CHIC1: variants seen among roughly 807,000 people sequenced by gnomAD.
CHIC1 encodes cysteine rich hydrophobic domain 1, also known as cysteine-rich hydrophobic domain-containing protein 1.
A neutral mutation model predicts 18.5 loss-of-function variants in CHIC1; 7 were observed. That is an observed-to-expected ratio of 0.38 (90% CI 0.22 to 0.71). CHIC1 has a LOEUF of 0.71. Ranked by LOEUF, CHIC1 falls within the 30% of genes least tolerant of loss-of-function variation. The pLI is 0.49. For synonymous variants in CHIC1, 77 were observed against 73.5 expected, an observed-to-expected ratio of 1.05 and a Z score of -0.25; for missense variants, 159 against 176.9, an observed-to-expected ratio of 0.90 and a Z score of 0.57.
At chrX:73,610,300 G>A (rs1360906819) in intron 3 of CHIC1, among the ~76,000 whole-genome samples, 1 of 109,290 alleles carries the variant, frequency 9.1e-6, no homozygotes, top group Non-Finnish European at 1.9e-5. Flanking sequence ...GTCCCTCACT[G>A]CTTCCCTTGG....
chrX:73,577,057 C>CA (rs2057502641), intron 1 of CHIC1, among the ~76,000 whole-genome samples: 1 of 109,966 alleles, frequency 9.1e-6, no homozygotes. Context: ...TAATCCAGCT[C>CA]CAACAGTTAT....
At chrX:73,588,553 G>A (rs1314033283) in intron 3 of CHIC1, among the ~76,000 whole-genome samples, 1 of 110,928 alleles carries the variant, frequency 9.0e-6, no homozygotes, top group Non-Finnish European at 1.9e-5. Flanking sequence ...TATCCATTAA[G>A]CAGTCATTTC....
intron 5 of CHIC1, among the ~76,000 whole-genome samples, chrX:73,680,668 G>A (rs764212398): frequency 8.9e-4 from 99 of 110,822 alleles, no homozygotes; most frequent in Non-Finnish European, 1.7e-3. Flanking sequence ...ATAATTTAAT[G>A]GAGTTTGCTC....
chrX:73,607,084 C>T (rs1216059210), intron 3 of CHIC1, among the ~76,000 whole-genome samples: 4 of 108,745 alleles, frequency 3.7e-5, no homozygotes, highest in East Asian at 2.8e-4. Context: ...CGCCCACAGC[C>T]GCCCGTTCCC....
intron 2 of CHIC1, among the ~76,000 whole-genome samples, chrX:73,580,878 T>G (rs2057523297): frequency 9.0e-6 from 1 of 111,004 alleles, no homozygotes; most frequent in Non-Finnish European, 1.9e-5. Flanking sequence ...TTTGACAAGC[T>G]CTGTAGCTCA....
intron 3 of CHIC1, among the ~76,000 whole-genome samples, chrX:73,608,158 A>G (rs2057691633): frequency 9.2e-6 from 1 of 109,204 alleles, no homozygotes. Flanking sequence ...TGTTGAGAAG[A>G]CATACTTTCT....
chrX:73,633,942 T>C (rs2057820079), intron 3 of CHIC1, among the ~76,000 whole-genome samples: 1 of 111,776 alleles, frequency 8.9e-6, no homozygotes, highest in Non-Finnish European at 1.9e-5. Context: ...TGTATTGTTT[T>C]TCTGATATTG....
chrX:73,625,185 G>C (rs1026514615), intron 3 of CHIC1, among the ~76,000 whole-genome samples: 1 of 110,931 alleles, frequency 9.0e-6, no homozygotes, highest in Non-Finnish European at 1.9e-5. Context: ...TGGTTGCATG[G>C]GGGACCTGAA....
At chrX:73,645,683 A>G (rs761677316) in intron 3 of CHIC1, among the ~76,000 whole-genome samples, 5 of 111,732 alleles carry the variant, frequency 4.5e-5, no homozygotes, top group Non-Finnish European at 7.5e-5. Flanking sequence ...ACCTTTTTAT[A>G]TACCTGTTGG....
intron 3 of CHIC1, among the ~76,000 whole-genome samples, chrX:73,662,117 T>C (rs1321255008): frequency 1.8e-5 from 2 of 108,903 alleles, no homozygotes; most frequent in Non-Finnish European, 3.8e-5. Flanking sequence ...AGAACTGAAG[T>C]AGTTTATCAG....
chrX:73,638,885 C>A (rs1273215630), intron 3 of CHIC1, among the ~76,000 whole-genome samples: 1 of 112,045 alleles, frequency 8.9e-6, no homozygotes, highest in South Asian at 3.7e-4. Flanking sequence ...CATAGTATTC[C>A]ATGGAGTATA....
chrX:73,595,611 A>G (rs2057604345), intron 3 of CHIC1, among the ~76,000 whole-genome samples: 1 of 111,431 alleles, frequency 9.0e-6, no homozygotes, highest in African/African-American at 3.3e-5. Flanking sequence ...TCTTTGCTAT[A>G]GTGACTAGTG....
chrX:73,604,622 G>C (rs2147570138), intron 3 of CHIC1, among the ~76,000 whole-genome samples: 1 of 108,666 alleles, frequency 9.2e-6, no homozygotes, highest in East Asian at 2.8e-4. Context: ...GATTTTTCCT[G>C]CTTTCTCTTG....
At chrX:73,569,624 T>C (rs986988584) in intron 1 of CHIC1, among the ~76,000 whole-genome samples, 1 of 111,825 alleles carries the variant, frequency 8.9e-6, no homozygotes, top group African/African-American at 3.2e-5. Flanking sequence ...TCATAATTCT[T>C]AACTTAATGG....
At chrX:73,589,026 A>G (rs1366793930) in intron 3 of CHIC1, among the ~76,000 whole-genome samples, 4 of 109,002 alleles carry the variant, frequency 3.7e-5, no homozygotes, top group Non-Finnish European at 7.7e-5. Context: ...CTGTTGTTCT[A>G]TTCTGTATTT....
chrX:73,585,725 G>C (rs750344706), intron 3 of CHIC1, among the ~76,000 whole-genome samples: 6 of 111,085 alleles, frequency 5.4e-5, no homozygotes, highest in Non-Finnish European at 1.1e-4. Flanking sequence ...GTTTGTTTCT[G>C]TATTATCCAG....
At chrX:73,565,629 A>T (rs2057441381) in intron 1 of CHIC1, among the ~76,000 whole-genome samples, 1 of 112,038 alleles carries the variant, frequency 8.9e-6, no homozygotes, top group African/African-American at 3.2e-5. Context: ...ATGTCTTGGG[A>T]TTTGAAAGAG....
Position 73,614,269 on chromosome X carries a change from A to G in CHIC1, c.507+29697A>G, listed in dbSNP as rs185317549. On this transcript the variant is annotated intron_variant, in intron 3 of 5. Transcript: ENST00000373502. Reference sequence around the variant, plus strand: ...GTAAGTTTCCTTTATAAGTGACAAGACACTTTTCTCTTGCTGTTTCTAGAA... The same window carrying G: ...GTAAGTTTCCTTTATAAGTGACAAGGCACTTTTCTCTTGCTGTTTCTAGAA... Among the ~76,000 whole-genome samples, 5 of 111,189 alleles carry G rather than the reference A, an allele frequency of 4.5e-5. No individual in the cohort carries two copies. In the East Asian group the frequency reaches 1.1e-3, roughly 25 times the overall value.
At chrX:73,602,484 T>C (rs920127953) in intron 3 of CHIC1, among the ~76,000 whole-genome samples, 3 of 109,024 alleles carry the variant, frequency 2.8e-5, no homozygotes, top group Non-Finnish European at 5.6e-5. Flanking sequence ...ACTCTGATGA[T>C]AGTTTCTTTT....
Sources: gnomAD v4.1 joint callset for allele counts (sites outside exome capture counted in the v4.1 genomes callset) on GRCh38, gnomAD v4.1.1 for gene constraint, MANE v1.5 for transcripts, NCBI Gene and HGNC (gene_info 2026-07-23, HGNC 2026-07-21) for gene names.